ZNF83: variants seen among roughly 807,000 people sequenced by gnomAD.
ZNF83 encodes zinc finger protein 816B.
For synonymous variants in ZNF83, 209 were observed against 213.0 expected (o/e 0.98, Z 0.17); for missense variants, 552 against 629.9 (o/e 0.88, Z 1.32).
chr19:52,657,410 G>C (rs1207871357), intron 2 of ZNF83, among the ~76,000 whole-genome samples: 1 of 151,952 alleles, frequency 6.6e-6, no homozygotes, highest in Non-Finnish European at 1.5e-5. Flanking sequence ...GCAGTTCGGA[G>C]ACCAGCCTCA....
At chr19:52,621,209 C>T (rs943889668) in intron 2 of ZNF83, among the ~76,000 whole-genome samples, 2 of 152,178 alleles carry the variant, frequency 1.3e-5, no homozygotes, top group Non-Finnish European at 2.9e-5. Flanking sequence ...GTCCTCAGAC[C>T]AACCAGCCCA....
chr19:52,614,741 C>T, exon 3 of ZNF83: 1 of 1,302,266 alleles, frequency 7.7e-7, no homozygotes, highest in Non-Finnish European at 9.8e-7. Flanking sequence ...AATATTTCTC[C>T]TGTATTACTC....
At chr19:52,682,674 C>CAAGAAA (rs146917472) in intron 1 of ZNF83, among the ~76,000 whole-genome samples, 19 of 149,864 alleles carry the variant, frequency 1.3e-4, no homozygotes, top group Non-Finnish European at 2.4e-4. Context: ...TCTCAAAAAA[C>CAAGAAA]AAGAAAAAGA....
chr19:52,689,778 C>A (rs886157021), intron 1 of ZNF83, among the ~76,000 whole-genome samples: 3 of 151,922 alleles, frequency 2.0e-5, no homozygotes, highest in Non-Finnish European at 4.4e-5. Flanking sequence ...CCCTTTGGCC[C>A]ACACAATCAC....
At chr19:52,628,964 GAACCCCCA>G (rs1428490690) in intron 2 of ZNF83, among the ~76,000 whole-genome samples, 6 of 151,656 alleles carry the variant, frequency 4.0e-5, no homozygotes, top group Admixed American at 3.3e-4. Flanking sequence ...CTGGAGGTAA[GAACCCCCA>G]AACCCCTTCC....
upstream of ZNF83, among the ~76,000 whole-genome samples, chr19:52,640,436 G>A (rs2061286559): frequency 6.6e-6 from 1 of 152,178 alleles, no homozygotes; most frequent in Admixed American, 6.5e-5. Context: ...ACAATTCGAG[G>A]AAGGTCACTT....
At position 52,662,051 on chromosome 19, in the gene ZNF83, T is replaced by C. The variant is rs555961846; in HGVS notation, c.-282-1208A>G. Among the ~76,000 whole-genome samples the C allele has an allele frequency of 3.6e-4, 55 of 151,908 alleles. No homozygotes were observed. In the South Asian group the frequency reaches 0.011, roughly 32 times the overall value. On this transcript the variant is annotated intron_variant, in intron 1 of 5. Coordinates refer to the ZNF83 transcript ENST00000594682. ...CAGGCAGGAGATGAGATCAGGGAGG[T>C]CCTGGGAGCACAGATCCATAGGGAT...
At chr19:52,646,083 G>A (rs2061369318) in intron 3 of ZNF83, among the ~76,000 whole-genome samples, 1 of 151,880 alleles carries the variant, frequency 6.6e-6, no homozygotes, top group African/African-American at 2.4e-5. Flanking sequence ...GTGACTACAG[G>A]TGCATGCCAC....
chr19:52,643,136 C>G (rs1732655422), upstream of ZNF83, among the ~76,000 whole-genome samples: 1 of 151,706 alleles, frequency 6.6e-6, no homozygotes, highest in Admixed American at 6.6e-5. Context: ...CGAAATCATG[C>G]CACTGCACTC....
chr19:52,687,665 T>C (rs1455962860), intron 1 of ZNF83, among the ~76,000 whole-genome samples: 1 of 102,180 alleles, frequency 9.8e-6, no homozygotes, highest in Non-Finnish European at 1.8e-5. Flanking sequence ...ATAATGTATA[T>C]ATATATATAA....
chr19:52,680,649 G>A (rs2061894814), intron 1 of ZNF83, among the ~76,000 whole-genome samples: 1 of 110,414 alleles, frequency 9.1e-6, no homozygotes, highest in African/African-American at 3.9e-5. Flanking sequence ...GTCTCGCTCT[G>A]TCGCCCAGGC....
At chr19:52,680,500 A>G (rs886720450) in intron 1 of ZNF83, among the ~76,000 whole-genome samples, 1 of 152,192 alleles carries the variant, frequency 6.6e-6, no homozygotes, top group African/African-American at 2.4e-5. Context: ...GAAAAGAGAA[A>G]ATAAGTACTA....
At position 52,627,059 on chromosome 19, in the gene ZNF83, T is replaced by C. The variant is rs559559956; in HGVS notation, c.-234+8007A>G. 3.3e-5 allele frequency among the ~76,000 whole-genome samples: 5 copies of C among 152,218 alleles called. No individual in the cohort carries two copies. In the East Asian group the frequency reaches 9.7e-4, roughly 29 times the overall value. ...CCCTGCCCCAACTGATCGATCGACCTTGAGAAATTCTTCTGGACAATGAGT... is the reference window on the plus strand; with the variant it reads ...CCCTGCCCCAACTGATCGATCGACCCTGAGAAATTCTTCTGGACAATGAGT... On this transcript the variant is annotated intron_variant, in intron 2 of 2. Coordinates refer to ENST00000301096, the Ensembl canonical transcript of ZNF83.
chr19:52,630,439 C>G (rs933202368), intron 2 of ZNF83, among the ~76,000 whole-genome samples: 1 of 152,142 alleles, frequency 6.6e-6, no homozygotes, highest in South Asian at 2.1e-4. Flanking sequence ...GGCTTCTAAG[C>G]CTCTTAAAAC....
At chr19:52,690,201 A>G (rs531401839) in intron 1 of ZNF83, among the ~76,000 whole-genome samples, 2 of 150,366 alleles carry the variant, frequency 1.3e-5, no homozygotes, top group South Asian at 4.2e-4. Flanking sequence ...AAAAAAAACA[A>G]CAACAACTAC....
intron 3 of ZNF83, chr19:52,654,172 C>T (rs1327999360): frequency 1.9e-6 from 3 of 1,602,470 alleles, no homozygotes; most frequent in African/African-American, 1.3e-5. Context: ...TTGATCACGT[C>T]GGTCTGTACT....
intron 1 of ZNF83, 38 bp downstream of exon 1, chr19:52,638,274 C>G (rs1390502289): frequency 6.6e-6 from 1 of 152,042 alleles, no homozygotes; most frequent in Non-Finnish European, 1.5e-5. Context: ...GCGCCGGGGA[C>G]CTGGTAAGCG....
At chr19:52,653,684 G>A (rs533454864) in intron 3 of ZNF83, among the ~76,000 whole-genome samples, 5 of 152,178 alleles carry the variant, frequency 3.3e-5, no homozygotes, top group African/African-American at 4.8e-5. Context: ...CTATGATGGC[G>A]TGTAAGAGAT....
chr19:52,613,663 T>TTG, exon 3 of ZNF83: 1 of 1,613,528 alleles, frequency 6.2e-7, no homozygotes, highest in South Asian at 1.1e-5. Context: ...TAGGGATGAC[T>TTG]TGTGACTGAA....
Sources: gnomAD v4.1 joint callset for allele counts (sites outside exome capture counted in the v4.1 genomes callset) on GRCh38, gnomAD v4.1.1 for gene constraint, MANE v1.5 for transcripts, NCBI Gene and HGNC (gene_info 2026-07-23, HGNC 2026-07-21) for gene names.